ST8SIA2: variants seen among roughly 807,000 people sequenced by gnomAD.
ST8SIA2 encodes the protein alpha-2,8-sialyltransferase 8B.
In ST8SIA2, 22 loss-of-function variants were observed where a neutral mutation model predicts 37.6. That is an observed-to-expected ratio of 0.58 (90% CI 0.42 to 0.83). The LOEUF (loss-of-function observed/expected upper bound fraction) is 0.83. Ranked by LOEUF, ST8SIA2 falls within the 40% of genes least tolerant of loss-of-function variation. ST8SIA2 has a pLI of 0.00. For missense variants in ST8SIA2, 382 were observed against 484.7 expected (o/e 0.79, Z 1.99); for synonymous variants, 205 against 201.2 (o/e 1.02, Z -0.16).
chr15:92,396,517 G>A (rs1291705226), intron 1 of ST8SIA2, among the ~76,000 whole-genome samples: 6 of 147,972 alleles, frequency 4.1e-5, no homozygotes, highest in East Asian at 4.0e-4. Context: ...TTTTTGAGAC[G>A]GAGTCTCATT....
At chr15:92,411,168 T>G (rs1279957261) in intron 1 of ST8SIA2, among the ~76,000 whole-genome samples, 3 of 152,126 alleles carry the variant, frequency 2.0e-5, no homozygotes, top group African/African-American at 7.2e-5. Flanking sequence ...CCCTTGAAAT[T>G]GTAGGCATTT....
At chr15:92,399,600 T>C (rs2049455714) in intron 1 of ST8SIA2, among the ~76,000 whole-genome samples, 1 of 150,610 alleles carries the variant, frequency 6.6e-6, no homozygotes, top group Non-Finnish European at 1.5e-5. Flanking sequence ...ACGATGCATT[T>C]TTTTTTAAAA....
At chr15:92,401,630 A>G (rs972181956) in intron 1 of ST8SIA2, among the ~76,000 whole-genome samples, 1 of 152,114 alleles carries the variant, frequency 6.6e-6, no homozygotes, top group African/African-American at 2.4e-5. Flanking sequence ...GAAATCCAGC[A>G]TCCAGCCTCG....
intron 1 of ST8SIA2, among the ~76,000 whole-genome samples, chr15:92,415,499 T>A (rs2049580083): frequency 6.6e-6 from 1 of 151,776 alleles, no homozygotes; most frequent in African/African-American, 2.4e-5. Context: ...CAGATATAAG[T>A]GATGACGCTC....
chr15:92,457,938 G>T (rs527295018), intron 5 of ST8SIA2, among the ~76,000 whole-genome samples: 21 of 152,322 alleles, frequency 1.4e-4, no homozygotes, highest in African/African-American at 5.1e-4. Context: ...GATCTGAGAG[G>T]TTGGGCATTT....
intron 3 of ST8SIA2, among the ~76,000 whole-genome samples, chr15:92,437,610 C>T (rs933905083): frequency 5.3e-5 from 8 of 151,766 alleles, no homozygotes; most frequent in Middle Eastern, 3.4e-3. Context: ...AGCAAGGGGA[C>T]GTGCACCAGC....
chr15:92,401,432 G>C (rs11074064), intron 1 of ST8SIA2, among the ~76,000 whole-genome samples: 2 of 152,026 alleles, frequency 1.3e-5, no homozygotes, highest in Admixed American at 6.5e-5. Flanking sequence ...CCGGTGTCCT[G>C]ACGGGACCTG....
At chr15:92,394,211 C>A (rs1307120421) in intron 1 of ST8SIA2, 49 bp downstream of exon 1, 1 of 1,474,290 alleles carries the variant, frequency 6.8e-7, no homozygotes. Context: ...CGGGATCTCT[C>A]CCTCCTTCTG....
intron 5 of ST8SIA2, among the ~76,000 whole-genome samples, chr15:92,453,369 T>C (rs1287311273): frequency 3.9e-5 from 6 of 152,216 alleles, no homozygotes; most frequent in African/African-American, 1.4e-4. Context: ...TCACTGGTGA[T>C]GTGACTTTTG....
chr15:92,431,481 G>A (rs1210444231), intron 2 of ST8SIA2, among the ~76,000 whole-genome samples: 1 of 152,160 alleles, frequency 6.6e-6, no homozygotes, highest in Non-Finnish European at 1.5e-5. Flanking sequence ...ATATGTTAAA[G>A]GTACTTATTT....
chr15:92,454,853 T>A (rs552849071), intron 5 of ST8SIA2, among the ~76,000 whole-genome samples: 24 of 151,484 alleles, frequency 1.6e-4, no homozygotes, highest in African/African-American at 5.8e-4. Flanking sequence ...AGGCAGCTGG[T>A]GGTGAATGGC....
intron 5 of ST8SIA2, among the ~76,000 whole-genome samples, chr15:92,462,554 T>C (rs144461153): frequency 3.3e-5 from 5 of 152,192 alleles, no homozygotes; most frequent in African/African-American, 1.2e-4. Context: ...CTTTCAGCAA[T>C]ATGTAAATGT....
intron 5 of ST8SIA2, among the ~76,000 whole-genome samples, chr15:92,453,564 A>G (rs941687579): frequency 3.9e-5 from 6 of 152,266 alleles, no homozygotes; most frequent in Non-Finnish European, 7.3e-5. Flanking sequence ...GTCTTGGGTC[A>G]CAGCAATGAA....
intron 3 of ST8SIA2, 124 bp from the exon 4 acceptor site, chr15:92,438,229 T>A: frequency 7.0e-7 from 1 of 1,418,520 alleles, no homozygotes; most frequent in Non-Finnish European, 9.9e-7. Context: ...TGAACTCTCA[T>A]CATACTCTGC....
chr15:92,453,672 C>T (rs2049899097), intron 5 of ST8SIA2, among the ~76,000 whole-genome samples: 1 of 152,152 alleles, frequency 6.6e-6, no homozygotes. Flanking sequence ...CTTTAGGTGC[C>T]AGGCCAGAGA....
rs528403897 is a variant in ST8SIA2, at chr15:92,398,813, A to AT, written c.98+4659dup. Among the ~76,000 whole-genome samples the AT allele has an allele frequency of 1.2e-4, 18 of 152,124 alleles. No homozygotes were observed. In the South Asian group the frequency reaches 3.3e-3, roughly 28 times the overall value. ...GCTAGACTGCCCTGTCCTCTGAGTT[A>AT]TTTTTTTTACCCTGAGCTAATAATG... On this transcript the variant is annotated intron_variant, in intron 1 of 5. Transcript: ENST00000268164.
intron 1 of ST8SIA2, among the ~76,000 whole-genome samples, chr15:92,402,936 G>A (rs761500294): frequency 6.6e-6 from 1 of 152,144 alleles, no homozygotes; most frequent in African/African-American, 2.4e-5. Flanking sequence ...TTCTTCTAGG[G>A]GAAGACAGAA....
At chr15:92,446,839 G>T (rs1944212458) in intron 5 of ST8SIA2, among the ~76,000 whole-genome samples, 1 of 152,098 alleles carries the variant, frequency 6.6e-6, no homozygotes, top group African/African-American at 2.4e-5. Context: ...TGTGTTCAAG[G>T]TTCAACCAAG....
At chr15:92,455,349 GATTCT>G (rs2049912605) in intron 5 of ST8SIA2, among the ~76,000 whole-genome samples, 1 of 152,116 alleles carries the variant, frequency 6.6e-6, no homozygotes, top group South Asian at 2.1e-4. Flanking sequence ...GTGTGTAATG[GATTCT>G]CTCTCTCTCC....
Sources: gnomAD v4.1 joint callset for allele counts (sites outside exome capture counted in the v4.1 genomes callset) on GRCh38, gnomAD v4.1.1 for gene constraint, MANE v1.5 for transcripts, NCBI Gene and HGNC (gene_info 2026-07-23, HGNC 2026-07-21) for gene names.